ZFYVE1: variants seen among roughly 807,000 people sequenced by gnomAD.
ZFYVE1 encodes zinc finger FYVE-type containing 1.
Under a neutral mutation model 74.4 loss-of-function variants are expected in ZFYVE1, and 30 were observed. The ratio of observed to expected loss-of-function variants is 0.40; its 90% CI spans 0.30 to 0.55. ZFYVE1 has a LOEUF of 0.55. Among genes scored for constraint, ZFYVE1 ranks in the 20% least tolerant of loss-of-function variants. The pLI is 0.42. For missense variants in ZFYVE1, 703 were observed against 1,011.6 expected (o/e 0.69, Z 4.14); for synonymous variants, 335 against 385.1 (o/e 0.87, Z 1.52).
intron 1 of ZFYVE1, among the ~76,000 whole-genome samples, chr14:73,026,584 C>T (rs1894465897): frequency 6.6e-6 from 1 of 152,192 alleles, no homozygotes; most frequent in South Asian, 2.1e-4. Context: ...CAAAAGTACA[C>T]CTCACGCCCG....
rs1370147920 is a variant in ZFYVE1, at chr14:72,998,147, T to C, written c.652A>G (p.Thr218Ala). The C allele has an allele frequency of 6.2e-7, 1 of 1,613,930 alleles. No individual in the cohort carries two copies. Among genetic ancestry groups the C allele is most frequent in the Non-Finnish European group, 8.5e-7 (1 of 1,180,012 alleles). ...FKTSPTQESC[T>A]VGVWAAYDPV... is the part of the protein sequence containing the mutation. ...TCATAGGCTGCCCACACTCCCACAG[T>C]GCAGGACTCCTGGGTCGGGGAGGTT... Residue 218 changes from threonine (T) to alanine (A), a missense_variant, in exon 3 of 12, where the codon ACT becomes GCT. Coordinates refer to ENST00000556143, the MANE Select transcript of ZFYVE1 (RefSeq NM_021260.4).
Position 72,975,941 on chromosome 14 carries a change from C to A in ZFYVE1, c.1636-220G>T. 1.8e-6 allele frequency: 1 copy of A among 552,578 alleles called. No individual in the cohort carries two copies. The highest frequency in any genetic ancestry group is 3.1e-6 in the Non-Finnish European group (1 of 319,864). The allele number at this position is 552,578 out of a possible 1,614,324, so 34.2% of individuals were successfully genotyped here. A position where few individuals can be genotyped will look rare whatever the true frequency, so the allele number is the denominator to read the frequency against. ...GCTGTTCAATTCAGGACTTACTAAG[C>A]CCATATAATACAGGAGATGACACCT... On this transcript the variant is annotated intron_variant, in intron 8 of 11. Coordinates refer to ENST00000556143, the MANE Select transcript of ZFYVE1 (RefSeq NM_021260.4). This position sits in a 1 kb window ranked among gnomAD's most constrained non-coding sequence, Gnocchi z 4.1.
chr14:72,991,606 C>T (rs201751350), intron 4 of ZFYVE1, among the ~76,000 whole-genome samples: 1 of 149,918 alleles, frequency 6.7e-6, no homozygotes, highest in South Asian at 2.2e-4. Flanking sequence ...TTTACAGCCC[C>T]TTTGCCTGAT....
At chr14:73,005,680 T>A (rs1369163035) in intron 2 of ZFYVE1, among the ~76,000 whole-genome samples, 1 of 152,064 alleles carries the variant, frequency 6.6e-6, no homozygotes, top group South Asian at 2.1e-4. Flanking sequence ...CTAAAAGAGA[T>A]AAAGTATGTA....
chr14:72,997,860 A>C lies in ZFYVE1; in HGVS notation c.939T>G (p.Pro313=), dbSNP rs147275132. 1 of 1,610,322 alleles carries C rather than the reference A, an allele frequency of 6.2e-7. No homozygotes were observed. The highest frequency in any genetic ancestry group is 2.2e-5 in the East Asian group (1 of 44,742). ...GLDVPLSTLG[P]AVIIFHETVH... ...CGGTCTCATGGAAGATGATAACTGC[A>C]GGGCCCAGTGTGGATAAAGGGACAT... The change falls in exon 3 of 12, where the codon CCT becomes CCG. Residue 313 remains proline (P), a synonymous_variant. Transcript: ENST00000556143.
At chr14:73,003,132 G>A (rs1472531522) in intron 2 of ZFYVE1, among the ~76,000 whole-genome samples, 2 of 138,886 alleles carry the variant, frequency 1.4e-5, no homozygotes, top group Non-Finnish European at 3.0e-5. Flanking sequence ...TCAGCTCACT[G>A]CAACCTCCGC....
At chr14:72,984,673 C>T (rs1893432589) in intron 4 of ZFYVE1, among the ~76,000 whole-genome samples, 1 of 152,190 alleles carries the variant, frequency 6.6e-6, no homozygotes, top group South Asian at 2.1e-4. Context: ...CTCTCTCCTG[C>T]TTCTACCTGA....
intron 2 of ZFYVE1, among the ~76,000 whole-genome samples, chr14:73,019,950 C>CA (rs1007540047): frequency 1.4e-4 from 19 of 139,948 alleles, no homozygotes; most frequent in Admixed American, 6.6e-4. Flanking sequence ...GACTCAGTCT[C>CA]AAAAAAAAAG....
rs1179010089 is a variant in ZFYVE1 at position 72,969,869 on chromosome 14, G to T, written c.*1013C>A. 1.6e-6 allele frequency: 1 copy of T among 630,608 alleles called. No individual in the cohort carries two copies. The highest frequency in any genetic ancestry group is 2.8e-6 in the Non-Finnish European group (1 of 354,346). The allele number at this position is 630,608 out of a possible 1,614,324, so 39.1% of individuals were successfully genotyped here. On this transcript the variant is annotated 3_prime_UTR_variant, in exon 12 of 12. Coordinates refer to ENST00000556143, the MANE Select transcript of ZFYVE1 (RefSeq NM_021260.4). ...TATAGACTTTTAAAAACAACTAACA[G>T]TTCATCCTGTGCTCAGTTTCCCTGG...
intron 2 of ZFYVE1, among the ~76,000 whole-genome samples, chr14:73,023,441 ATTTTATATATG>A (rs1421366048): frequency 7.5e-6 from 1 of 132,474 alleles, no homozygotes; most frequent in Non-Finnish European, 1.6e-5. Context: ...TTATATATAT[ATTTTATATATG>A]TTTTATATAT....
chr14:72,979,018 C>G (rs755902058), intron 5 of ZFYVE1, 49 bp from the exon 6 acceptor site: 3 of 1,531,046 alleles, frequency 2.0e-6, no homozygotes, highest in Non-Finnish European at 2.7e-6. Context: ...GGAGCCAGTG[C>G]CACTTACACA....
At chr14:72,997,370 ATTT>A (rs147301387) in intron 3 of ZFYVE1, among the ~76,000 whole-genome samples, 1 of 149,510 alleles carries the variant, frequency 6.7e-6, no homozygotes, top group African/African-American at 2.5e-5. Context: ...TCCTAATCTT[ATTT>A]TTTTTTTAGA....
chr14:72,978,144 A>G lies in ZFYVE1; in HGVS notation c.1510T>C (p.Trp504Arg). 1 of 1,614,222 alleles carries G rather than the reference A, an allele frequency of 6.2e-7. No individual in the cohort carries two copies. The highest frequency in any genetic ancestry group is 8.5e-7 in the Non-Finnish European group (1 of 1,180,042). ...CATGTTGTTTAAACTCACCCAGACC[A>G]GGCATATTTTGCGAGACCCATCCAG... ...SPWMGLAKYA[W>R]SGYVIECPNC... The change falls in exon 7 of 12, where the codon TGG (tryptophan) becomes CGG (arginine). Residue 504 changes from tryptophan (W) to arginine (R), a missense_variant. By Grantham distance (101) the Trp-to-Arg change is moderately radical. Around this residue, in one of 2 missense-constraint regions of ZFYVE1, gnomAD observed 492 missense variants for 790.0 expected, o/e 0.62. Coordinates refer to ENST00000556143, the MANE Select transcript of ZFYVE1 (RefSeq NM_021260.4).
chr14:73,003,950 A>C (rs1893926646), intron 2 of ZFYVE1, among the ~76,000 whole-genome samples: 1 of 152,164 alleles, frequency 6.6e-6, no homozygotes, highest in Non-Finnish European at 1.5e-5. Context: ...TGAATGAGTG[A>C]GTGAATAAAC....
intron 2 of ZFYVE1, among the ~76,000 whole-genome samples, chr14:73,013,078 ATTTCCTGGGGAAGACAGC>A: frequency 6.6e-6 from 1 of 152,230 alleles, no homozygotes; most frequent in East Asian, 1.9e-4. Flanking sequence ...CTAGGGTCAA[ATTTCCTGGGGAAGACAGC>A]AATAACCTAG....
At position 73,019,414 on chromosome 14, in the gene ZFYVE1, TA is replaced by T. The variant is rs34987994; in HGVS notation, c.483+4611del. 3.3e-5 allele frequency among the ~76,000 whole-genome samples: 5 copies of T among 149,682 alleles called. No homozygotes were observed. In the South Asian group the frequency reaches 8.4e-4, roughly 25 times the overall value. On this transcript the variant is annotated intron_variant, in intron 2 of 11. Transcript: ENST00000556143. ...CTGGGCAACACAGCAAGACCCCATC[TA>T]AAAAAAAAATCCCTATGTACTAAAT...
intron 4 of ZFYVE1, among the ~76,000 whole-genome samples, chr14:72,989,802 G>GA (rs1172129845): frequency 5.0e-5 from 7 of 140,102 alleles, no homozygotes; most frequent in Admixed American, 7.1e-5. Flanking sequence ...TGTCTCAAAA[G>GA]AAAAAAAAAG....
At chr14:72,997,501 T>G (rs1893775198) in intron 3 of ZFYVE1, among the ~76,000 whole-genome samples, 1 of 152,104 alleles carries the variant, frequency 6.6e-6, no homozygotes, top group African/African-American at 2.4e-5. Context: ...CCTGGCTTCC[T>G]CCTATTTTCT....
At chr14:72,981,707 C>A in intron 5 of ZFYVE1, 82 bp downstream of exon 5, 1 of 1,310,586 alleles carries the variant, frequency 7.6e-7, no homozygotes, top group Non-Finnish European at 1.1e-6. Context: ...GGATCTGCAT[C>A]CACACCAAAG....
Sources: allele counts gnomAD v4.1 joint callset (sites outside exome capture counted in the v4.1 genomes callset), GRCh38; gene constraint gnomAD v4.1.1; regional missense constraint gnomAD v4.1.1; non-coding constraint Gnocchi (gnomAD v3.1); transcripts MANE v1.5; gene names NCBI Gene and HGNC (gene_info 2026-07-23, HGNC 2026-07-21).